The following SELP variants were observed in gnomAD, a reference collection of about 807,000 sequenced individuals.
SELP encodes P-selectin.
Under a neutral mutation model 104.1 loss-of-function variants are expected in SELP, and 92 were observed. The observed-to-expected ratio is 0.88, with a 90% CI of 0.75 to 1.05. The LOEUF is 1.05. Ranked by LOEUF, SELP falls within the 50% of genes least tolerant of loss-of-function variation. The pLI, the probability that SELP is intolerant of heterozygous loss-of-function variation, is 0.00. For missense variants in SELP, 1,022 were observed against 1,017.3 expected (o/e 1.00, Z -0.06); for synonymous variants, 397 against 364.5 (o/e 1.09, Z -1.01).
Position 169,612,217 on chromosome 1 carries a change from C to T in SELP, c.961G>A (p.Ala321Thr). 1 of 1,613,706 alleles carries T rather than the reference C, an allele frequency of 6.2e-7. No homozygotes were observed. The highest frequency in any genetic ancestry group is 8.5e-7 in the Non-Finnish European group (1 of 1,179,894). The change falls in exon 6 of 17, where the codon GCT becomes ACT. Residue 321 changes from alanine to threonine, a missense_variant and splice_region_variant. Transcript: ENST00000263686. ...TACATCCCAACTACCTGAAACTCAC[C>T]TTTACACACTGGGGCTGGGGCTGTC... ...VWTAPAPVCK[A>T]VQCQHLEAPS...
chr1:169,620,665 A>G (rs1392438565), intron 1 of SELP, among the ~76,000 whole-genome samples: 1 of 151,868 alleles, frequency 6.6e-6, no homozygotes, highest in Non-Finnish European at 1.5e-5. Context: ...CTGCGAGGTT[A>G]TGTGTGTGTT....
At chr1:169,612,709 A>G (rs1170855935) in intron 5 of SELP, among the ~76,000 whole-genome samples, 1 of 152,110 alleles carries the variant, frequency 6.6e-6, no homozygotes, top group Non-Finnish European at 1.5e-5. Flanking sequence ...TTGCCTGCGA[A>G]TCAACAATTA....
At chr1:169,593,549 C>T (rs1661442288) in intron 14 of SELP, 56 bp downstream of exon 14, 1 of 1,536,768 alleles carries the variant, frequency 6.5e-7, no homozygotes. Context: ...TTACATAAAT[C>T]AATTTCTTTT....
In SELP at chr1:169,606,949, C is replaced by T; in HGVS notation, c.1519G>A (p.Ala507Thr). 1 of 1,612,206 alleles carries T rather than the reference C, an allele frequency of 6.2e-7. No individual in the cohort carries two copies. Among genetic ancestry groups the T allele is most frequent in the Non-Finnish European group, 8.5e-7 (1 of 1,179,080 alleles). ...NWNSVPPECQ[A>T]IPCTPLLSPQ... ...GATGTTAGAAAGAATACACTCTTAC[C>T]TTGGCATTCTGGAGGAACAGAATTC... The change falls in exon 9 of 17, where the codon GCC becomes ACC. Residue 507 changes from alanine to threonine, a missense_variant and splice_region_variant. By Grantham distance (58) the Ala-to-Thr change is moderately conservative. Coordinates refer to ENST00000263686, the MANE Select transcript of SELP (RefSeq NM_003005.4).
intron 1 of SELP, among the ~76,000 whole-genome samples, chr1:169,628,619 G>A (rs1358829304): frequency 1.3e-5 from 2 of 152,140 alleles, no homozygotes. Flanking sequence ...TGTCTCTAAA[G>A]GTTGGTGTTT....
rs1662409485 is a variant in SELP, at chr1:169,609,742, C to A, written c.1148-53G>T. On this transcript the variant is annotated intron_variant, in intron 7 of 16. Transcript: ENST00000263686. ...CAGGTAATGGAAGGGCCGGGTTCTT[C>A]CTCAGAAAAAATTCCTAGATGCTAT... 5 of 1,525,344 alleles carry A rather than the reference C, an allele frequency of 3.3e-6. No homozygotes were observed. The Admixed American group carries it at 1.0e-4, about 31-fold the overall frequency. The allele number at this position is 1,525,344 out of a possible 1,614,324, so 94.5% of individuals were successfully genotyped here. A position where few individuals can be genotyped will look rare whatever the true frequency, so the allele number is the denominator to read the frequency against.
intron 5 of SELP, 37 bp from the exon 6 acceptor site, chr1:169,612,439 G>C: frequency 6.2e-7 from 1 of 1,602,330 alleles, no homozygotes. Context: ...TGAGTCCTTG[G>C]ACAAATTTTG....
rs1240304244 is a variant in SELP at position 169,613,584 on chromosome 1, A to T, written c.589+2T>A. On this transcript the variant is annotated splice_donor_variant, in intron 4 of 16. Coordinates refer to ENST00000263686, the MANE Select transcript of SELP (RefSeq NM_003005.4). LOFTEE classifies it high-confidence loss of function. ...ATAATATCAACAAAAAGGAAGCCTCACCGTATTCACATTCTGGCCCATAGA... is the reference window on the plus strand; with the variant it reads ...ATAATATCAACAAAAAGGAAGCCTCTCCGTATTCACATTCTGGCCCATAGA... 1 of 1,610,662 alleles carries T rather than the reference A, an allele frequency of 6.2e-7. No individual in the cohort carries two copies. Among genetic ancestry groups the T allele is most frequent in the Non-Finnish European group, 8.5e-7 (1 of 1,176,916 alleles).
intron 1 of SELP, among the ~76,000 whole-genome samples, chr1:169,624,116 G>A (rs1219158704): frequency 6.6e-6 from 1 of 152,216 alleles, no homozygotes; most frequent in East Asian, 1.9e-4. Flanking sequence ...GGGATTTTGT[G>A]TGGAGGTATG....
At chr1:169,622,797 C>T (rs759049546) in intron 1 of SELP, among the ~76,000 whole-genome samples, 18 of 151,980 alleles carry the variant, frequency 1.2e-4, no homozygotes, top group Non-Finnish European at 1.8e-4. Context: ...TAATCTTAGG[C>T]TAAATACTGT....
Position 169,607,086 on chromosome 1 carries a change from C to A in SELP, c.1382G>T (p.Cys461Phe), listed in dbSNP as rs757535897. The change falls in exon 9 of 17, where the codon TGC becomes TTC. Residue 461 changes from cysteine to phenylalanine, a missense_variant. Physicochemically the swap from Cys to Phe is radical, Grantham distance 205. Transcript: ENST00000263686. ...LPVPNEARVNCSHPFGAFRYQ... is the reference protein window; with the variant it reads ...LPVPNEARVNFSHPFGAFRYQ... ...CCTAAAGGCACCGAAGGGGTGGGAG[C>A]AGTTCACCCGGGCCTCATTTGGAAC... 6.2e-7 allele frequency: 1 copy of A among 1,610,718 alleles called. No homozygotes were observed.
At chr1:169,625,759 T>C (rs184808816) in intron 1 of SELP, among the ~76,000 whole-genome samples, 1 of 152,356 alleles carries the variant, frequency 6.6e-6, no homozygotes, top group African/African-American at 2.4e-5. Context: ...ACTGAATGCA[T>C]TACTTTTACA....
chr1:169,625,227 C>A (rs1161061769), intron 1 of SELP, among the ~76,000 whole-genome samples: 1 of 152,164 alleles, frequency 6.6e-6, no homozygotes, highest in Non-Finnish European at 1.5e-5. Flanking sequence ...GCAGTAAATA[C>A]CACTACTTCC....
chr1:169,590,185 C>G lies in SELP; in HGVS notation c.2456G>C (p.Gly819Ala), dbSNP rs769135481. The G allele has an allele frequency of 1.2e-6, 2 of 1,613,192 alleles. No homozygotes were observed. The highest frequency in any genetic ancestry group is 8.5e-7 in the Non-Finnish European group (1 of 1,179,178). The change falls in exon 16 of 17, where the codon GGA (glycine) becomes GCA (alanine). Residue 819 changes from glycine to alanine, a missense_variant. Coordinates refer to ENST00000263686, the MANE Select transcript of SELP (RefSeq NM_003005.4). ...LNPHSHLGTYGVFTNAAFDPS... is the reference protein window; with the variant it reads ...LNPHSHLGTYAVFTNAAFDPS... ...GTCAAATGCAGCGTTTGTAAAAACTCCATATGTTCCTAGGTGGCTAAAGAA... is the reference window on the plus strand; with the variant it reads ...GTCAAATGCAGCGTTTGTAAAAACTGCATATGTTCCTAGGTGGCTAAAGAA...
At chr1:169,600,011 C>G (rs970074113) in intron 10 of SELP, among the ~76,000 whole-genome samples, 2 of 152,152 alleles carry the variant, frequency 1.3e-5, no homozygotes, top group African/African-American at 4.8e-5. Context: ...GTCCAACAGG[C>G]AGGGACAGGA....
rs200791706 is a variant in SELP, at chr1:169,608,147, CTTTTTTTTTTT to C, written c.1334-1024_1334-1014del. Among the ~76,000 whole-genome samples, 3 of 138,252 alleles carry C rather than the reference CTTTTTTTTTTT, an allele frequency of 2.2e-5. No individual in the cohort carries two copies. The South Asian group carries it at 6.8e-4, about 31-fold the overall frequency. The allele number at this position is 138,252 out of a possible 152,430, so 90.7% of individuals were successfully genotyped here. On this transcript the variant is annotated intron_variant, in intron 8 of 16. Coordinates refer to ENST00000263686, the MANE Select transcript of SELP (RefSeq NM_003005.4). Reference sequence around the variant, plus strand: ...CTATTCTATTGCCTTCTTGTTTTTTCTTTTTTTTTTTTTTTGCTGTTCAATTTTTTATTATA... The same window carrying C: ...CTATTCTATTGCCTTCTTGTTTTTTCTTTTGCTGTTCAATTTTTTATTATA...
intron 14 of SELP, 92 bp from the exon 15 acceptor site, chr1:169,591,548 C>T: frequency 1.2e-6 from 1 of 829,304 alleles, no homozygotes; most frequent in Non-Finnish European, 1.9e-6. Context: ...CTGGGGAAAA[C>T]CAGTAGACTG....
At chr1:169,617,596 A>G (rs182787337) in intron 2 of SELP, among the ~76,000 whole-genome samples, 182 bp from the exon 3 acceptor site, 3 of 152,366 alleles carry the variant, frequency 2.0e-5, no homozygotes, top group African/African-American at 7.2e-5. Flanking sequence ...CCTTTCACTT[A>G]AAAGTGTGAA....
rs371113357 is a variant in SELP, at chr1:169,613,641, G to C, written c.534C>G (p.Ile178Met). 4.3e-6 allele frequency: 7 copies of C among 1,614,032 alleles called. No homozygotes were observed. The highest frequency in any genetic ancestry group is 3.3e-5 in the Admixed American group (2 of 60,016). The change falls in exon 4 of 17, where the codon ATC becomes ATG. Residue 178 changes from isoleucine (I) to methionine (M), a missense_variant. Ile to Met is a conservative substitution (Grantham distance 10). Transcript: ENST00000263686. ...GGTAACAGGAGCAGGTGTAGTTCCC[G>C]ATGGTCTCGAGGCACTCTCCTTGTT... ...CSKQGECLET[I>M]GNYTCSCYPG...
Sources: gnomAD v4.1 joint callset for allele counts (sites outside exome capture counted in the v4.1 genomes callset) on GRCh38, gnomAD v4.1.1 for gene constraint, MANE v1.5 for transcripts, NCBI Gene and HGNC (gene_info 2026-07-23, HGNC 2026-07-21) for gene names.